Variants in PPIP5K2 observed in about 807,000 individuals in gnomAD.
PPIP5K2 encodes the protein inositol hexakisphosphate and diphosphoinositol-pentakisphosphate kinase 2.
Under a neutral mutation model 154.6 loss-of-function variants are expected in PPIP5K2, and 105 were observed. The observed-to-expected ratio is 0.68, with a 90% confidence interval of 0.58 to 0.80. The LOEUF (loss-of-function observed/expected upper bound fraction) is 0.80, where lower values mean the gene tolerates loss of function less well. Ranked by LOEUF, PPIP5K2 falls within the 30% of genes least tolerant of loss-of-function variation. The pLI, the probability that PPIP5K2 is intolerant of heterozygous loss-of-function variation, is 0.00. For synonymous variants in PPIP5K2, 480 were observed against 490.3 expected (o/e 0.98, Z 0.28); for missense variants, 992 against 1,504.6 (o/e 0.66, Z 5.64).
intron 21 of PPIP5K2, among the ~76,000 whole-genome samples, chr5:103,176,188 A>G (rs1408944398): frequency 6.6e-6 from 1 of 152,056 alleles, no homozygotes; most frequent in African/African-American, 2.4e-5. Context: ...TCTGGAAGTT[A>G]CTACTAAATA....
intron 30 of PPIP5K2, among the ~76,000 whole-genome samples, chr5:103,199,844 A>G (rs1802697274): frequency 6.6e-6 from 1 of 152,130 alleles, no homozygotes; most frequent in South Asian, 2.1e-4. Context: ...TTTATTCGTT[A>G]TAAACTTATG....
intron 29 of PPIP5K2, among the ~76,000 whole-genome samples, chr5:103,192,164 A>G (rs1801344437): frequency 6.6e-6 from 1 of 151,992 alleles, no homozygotes; most frequent in Non-Finnish European, 1.5e-5. Flanking sequence ...AGTAATAGAG[A>G]TGTATACTGG....
At chr5:103,123,428 G>A (rs1010782003) in intron 1 of PPIP5K2, among the ~76,000 whole-genome samples, 5 of 152,256 alleles carry the variant, frequency 3.3e-5, no homozygotes, top group Middle Eastern at 3.4e-3. Context: ...CAAAATATTG[G>A]GCCCCACCCC....
chr5:103,169,658 A>G (rs1425630777), intron 19 of PPIP5K2, among the ~76,000 whole-genome samples: 1 of 151,822 alleles, frequency 6.6e-6, no homozygotes, highest in Non-Finnish European at 1.5e-5. Flanking sequence ...AATTATTTTT[A>G]GAAGAGTATG....
chr5:103,184,378 T>A (rs578184780), intron 25 of PPIP5K2: 1 of 222,718 alleles, frequency 4.5e-6, no homozygotes, highest in South Asian at 9.0e-5. Flanking sequence ...GCATTTGGCT[T>A]CTTTTAAGAG....
At chr5:103,155,043 T>C in intron 13 of PPIP5K2, 100 bp downstream of exon 13, 1 of 642,106 alleles carries the variant, frequency 1.6e-6, no homozygotes, top group Non-Finnish European at 2.4e-6. Flanking sequence ...GTCTGATCTT[T>C]TTACTCTTTG....
chr5:103,161,860 G>C (rs1320491515), intron 17 of PPIP5K2, among the ~76,000 whole-genome samples: 1 of 152,054 alleles, frequency 6.6e-6, no homozygotes, highest in Admixed American at 6.5e-5. Context: ...TTAGCCCTTT[G>C]TCAGATGAGT....
chr5:103,127,878 A>G (rs145743131), intron 1 of PPIP5K2, among the ~76,000 whole-genome samples: 43 of 152,300 alleles, frequency 2.8e-4, no homozygotes, highest in African/African-American at 9.4e-4. Context: ...GATAGGAAAC[A>G]GAACTGAGAT....
intron 29 of PPIP5K2, among the ~76,000 whole-genome samples, chr5:103,192,357 A>T (rs1801369244): frequency 6.6e-6 from 1 of 152,110 alleles, no homozygotes; most frequent in Non-Finnish European, 1.5e-5. Context: ...ATTCTCTATA[A>T]CCTGCTAGAA....
At chr5:103,123,750 AC>A (rs1441576781) in intron 1 of PPIP5K2, among the ~76,000 whole-genome samples, 1 of 152,360 alleles carries the variant, frequency 6.6e-6, no homozygotes, top group Non-Finnish European at 1.5e-5. Flanking sequence ...TTTTGGGACC[AC>A]TGCTATAGAA....
Position 103,184,747 on chromosome 5 carries a change from A to G in PPIP5K2, c.3169+3A>G. 6.2e-7 allele frequency: 1 copy of G among 1,608,350 alleles called. No homozygotes were observed. ...ACAGAAGCAGAATCCTACTGTAGGT[A>G]TGTGGTGTAAAGGAAATTGTGTTCC... On this transcript the variant is annotated splice_donor_region_variant and intron_variant, in intron 26 of 30. Coordinates refer to ENST00000358359, the MANE Select transcript of PPIP5K2 (RefSeq NM_001276277.3).
intron 2 of PPIP5K2, 57 bp downstream of exon 2, chr5:103,129,760 C>CTAA (rs1790313232): frequency 6.9e-7 from 1 of 1,458,020 alleles, no homozygotes; most frequent in African/African-American, 1.5e-5. Flanking sequence ...AGGCTTTTTA[C>CTAA]TAATCACTGT....
At chr5:103,192,955 C>T (rs1292059847) in intron 29 of PPIP5K2, among the ~76,000 whole-genome samples, 6 of 152,132 alleles carry the variant, frequency 3.9e-5, no homozygotes, top group Non-Finnish European at 8.8e-5. Flanking sequence ...GGTCTTCAAA[C>T]TGTATTCCCA....
chr5:103,146,937 A>T (rs893917141), intron 6 of PPIP5K2, among the ~76,000 whole-genome samples: 1 of 151,950 alleles, frequency 6.6e-6, no homozygotes, highest in Non-Finnish European at 1.5e-5. Context: ...CATTTTGTAC[A>T]TCTGTCAAAC....
At chr5:103,199,402 A>G (rs1188311131) in intron 30 of PPIP5K2, among the ~76,000 whole-genome samples, 2 of 152,002 alleles carry the variant, frequency 1.3e-5, no homozygotes, top group African/African-American at 4.8e-5. Flanking sequence ...TTGCAGTGTA[A>G]TTTTTGCTGA....
At chr5:103,174,228 A>C (rs1798381358) in intron 21 of PPIP5K2, 1 of 304,696 alleles carries the variant, frequency 3.3e-6, no homozygotes, top group Non-Finnish European at 6.0e-6. Context: ...GGCAGTAAAG[A>C]GTAGCCTGAT....
rs1374291883 is a variant in PPIP5K2 at position 103,177,991 on chromosome 5, TG to T, written c.2754+13del. 2.0e-6 allele frequency: 3 copies of T among 1,519,850 alleles called. No individual in the cohort carries two copies. The African/African-American group carries it at 4.1e-5, about 21-fold the overall frequency. The allele number at this position is 1,519,850 out of a possible 1,614,324, so 94.1% of individuals were successfully genotyped here. ...CCAGCTTCCAGAGAGGTAATGAAGG[TG>T]GAACTCTCAGTGCTTAGTTACTACA... On this transcript the variant is annotated intron_variant, in intron 23 of 30. Coordinates refer to ENST00000358359, the MANE Select transcript of PPIP5K2 (RefSeq NM_001276277.3).
chr5:103,168,035 T>C lies in PPIP5K2; in HGVS notation c.2063-37T>C, dbSNP rs1363686722. On this transcript the variant is annotated intron_variant, in intron 18 of 30. Coordinates refer to ENST00000358359, the MANE Select transcript of PPIP5K2 (RefSeq NM_001276277.3). Reference sequence around the variant, plus strand: ...TTAATATATATTCTAAATCAGATTTTTAAGTTGCATAAACTAAAAATGTTA... The same window carrying C: ...TTAATATATATTCTAAATCAGATTTCTAAGTTGCATAAACTAAAAATGTTA... The C allele has an allele frequency of 8.3e-6, 11 of 1,330,804 alleles. No individual in the cohort carries two copies. In the South Asian group the frequency reaches 1.2e-4, roughly 14 times the overall value. 82.4% of individuals were successfully genotyped at this position (1,330,804 alleles called of 1,614,324 possible).
At chr5:103,169,046 G>A (rs1338969815) in intron 19 of PPIP5K2, among the ~76,000 whole-genome samples, 2 of 151,658 alleles carry the variant, frequency 1.3e-5, no homozygotes, top group African/African-American at 2.4e-5. Context: ...ATGTTTAGAG[G>A]TCAAGATATA....
Sources: allele counts gnomAD v4.1 joint callset (sites outside exome capture counted in the v4.1 genomes callset), GRCh38; gene constraint gnomAD v4.1.1; transcripts MANE v1.5; gene names NCBI Gene and HGNC (gene_info 2026-07-23, HGNC 2026-07-21).